AAGAB: variants seen among roughly 807,000 people sequenced by gnomAD.
The protein encoded by AAGAB is alpha- and gamma-adaptin-binding protein p34.
A neutral mutation model predicts 44.1 loss-of-function variants in AAGAB; 38 were observed. That is an observed-to-expected ratio of 0.86 (90% confidence interval 0.67 to 1.13). The LOEUF (loss-of-function observed/expected upper bound fraction) is 1.13, where lower values mean the gene tolerates loss of function less well. AAGAB is among the 50% of genes most tolerant of loss of function. The probability of loss-of-function intolerance (pLI) is 0.00; values close to 1 mark genes in which losing one functional copy is unlikely to be tolerated. For missense variants in AAGAB, 450 were observed against 373.8 expected, an observed-to-expected ratio of 1.20 and a Z score of -1.68; for synonymous variants, 131 against 131.8, an observed-to-expected ratio of 0.99 and a Z score of 0.04.
chr15:67,205,742 CA>C (rs1963670437), intron 7 of AAGAB, among the ~76,000 whole-genome samples: 1 of 152,068 alleles, frequency 6.6e-6, no homozygotes, highest in South Asian at 2.1e-4. Flanking sequence ...AGTGGCATAC[CA>C]GGGGCAAAAG....
upstream of AAGAB, chr15:67,254,788 A>G (rs1282239764): frequency 4.4e-6 from 6 of 1,367,314 alleles, no homozygotes; most frequent in Non-Finnish European, 6.1e-6. Context: ...CCCAGCGTGG[A>G]ACAGGCCAGG....
chr15:67,221,474 G>C (rs898840796), intron 5 of AAGAB, among the ~76,000 whole-genome samples: 1 of 152,180 alleles, frequency 6.6e-6, no homozygotes, highest in African/African-American at 2.4e-5. Context: ...CCGCCAAAAA[G>C]GGTGGATGAT....
At chr15:67,204,749 C>T (rs1963648225) in intron 7 of AAGAB, among the ~76,000 whole-genome samples, 1 of 152,144 alleles carries the variant, frequency 6.6e-6, no homozygotes, top group South Asian at 2.1e-4. Flanking sequence ...TACCTTGGCA[C>T]ACTGCTTCTT....
chr15:67,220,473 T>A (rs1050183616), intron 5 of AAGAB: 3 of 152,246 alleles, frequency 2.0e-5, no homozygotes, highest in Admixed American at 6.5e-5. Flanking sequence ...TGGTCTCACG[T>A]TGGCTACAAA....
chr15:67,214,918 G>A (rs552737141), intron 5 of AAGAB, among the ~76,000 whole-genome samples: 1 of 151,876 alleles, frequency 6.6e-6, no homozygotes. Context: ...GGGATTACAG[G>A]TGTGAGCCAC....
At position 67,254,643 on chromosome 15, in the gene AAGAB, C is replaced by T. The variant is rs750152610; in HGVS notation, c.-12G>A. 4 of 1,574,990 alleles carry T rather than the reference C, an allele frequency of 2.5e-6. No individual in the cohort carries two copies. Among genetic ancestry groups the T allele is most frequent in the South Asian group, 1.2e-5 (1 of 86,842 alleles). ...ACGCCAGCAGCCATAGCTGCGCTCGCGAGCCGGTTCCGTCAGGCAGCCGCT... is the reference window on the plus strand; with the variant it reads ...ACGCCAGCAGCCATAGCTGCGCTCGTGAGCCGGTTCCGTCAGGCAGCCGCT... On this transcript the variant is annotated 5_prime_UTR_variant, in exon 1 of 10. Transcript: ENST00000261880.
rs778984821 is a variant in AAGAB, at chr15:67,204,094, C to T, written c.770G>A (p.Gly257Glu). ...GAGTCTTTCAAAATTCTCCACATCT[C>T]CTCCTCCAGTGGTAAGACTGGCTAA... ...QELASLTTGG[G>E]DVENFERLFS... The change falls in exon 8 of 10, where the codon GGA (glycine) becomes GAA (glutamate). Residue 257 changes from glycine (G) to glutamate (E), a missense_variant. Coordinates refer to ENST00000261880, the MANE Select transcript of AAGAB (RefSeq NM_024666.5). 5 of 1,612,524 alleles carry T rather than the reference C, an allele frequency of 3.1e-6. 1 individual carries two copies. The South Asian group carries it at 5.5e-5, about 18-fold the overall frequency.
intron 7 of AAGAB, among the ~76,000 whole-genome samples, chr15:67,207,445 C>T (rs1963711793): frequency 6.6e-6 from 1 of 152,232 alleles, no homozygotes; most frequent in African/African-American, 2.4e-5. Flanking sequence ...CCAAAGGGTA[C>T]ATCTTGGCCT....
intron 5 of AAGAB, among the ~76,000 whole-genome samples, chr15:67,229,263 T>C (rs1463442607): frequency 6.6e-6 from 1 of 151,910 alleles, no homozygotes; most frequent in Admixed American, 6.6e-5. Flanking sequence ...GAAACCCCCG[T>C]CTCTACTAAA....
At position 67,212,591 on chromosome 15, in the gene AAGAB, A is replaced by G. The variant is rs77117587; in HGVS notation, c.536-3047T>C. ...AGCCAGAAGGACTTTTGCTCATATT[A>G]TAAACAATGAAGAATTTAGTCAACT... On this transcript the variant is annotated intron_variant, in intron 5 of 9. Transcript: ENST00000261880. Among the ~76,000 whole-genome samples the G allele has an allele frequency of 8.8e-3, 1,340 of 152,340 alleles. 19 individuals carry two copies. Among genetic ancestry groups the G allele is most frequent in the African/African-American group, 0.031 (1,282 of 41,568 alleles).
At chr15:67,226,260 A>G (rs1964201963) in intron 5 of AAGAB, among the ~76,000 whole-genome samples, 1 of 151,998 alleles carries the variant, frequency 6.6e-6, no homozygotes, top group Non-Finnish European at 1.5e-5. Flanking sequence ...AGCCTCCCCA[A>G]TAGCTGGGAC....
chr15:67,254,299 G>T (rs1965003748), intron 1 of AAGAB: 16 of 944,356 alleles, frequency 1.7e-5, no homozygotes, highest in Non-Finnish European at 2.0e-5. Context: ...AAAAACCTGT[G>T]GCCTGGGCTG....
In AAGAB at chr15:67,203,615, C is replaced by T; in HGVS notation, c.821-18G>A. On this transcript the variant is annotated intron_variant, in intron 8 of 9. Transcript: ENST00000261880. ...AGCCTTGTCTAGGGGGAAAATATAT[C>T]TTAAGAAATTTGTCTAATAGCACAG... 1 of 1,611,682 alleles carries T rather than the reference C, an allele frequency of 6.2e-7. No homozygotes were observed. The highest frequency in any genetic ancestry group is 8.5e-7 in the Non-Finnish European group (1 of 1,178,870).
chr15:67,203,855 G>C (rs1963624147), intron 8 of AAGAB, among the ~76,000 whole-genome samples, 189 bp downstream of exon 8: 1 of 151,746 alleles, frequency 6.6e-6, no homozygotes, highest in African/African-American at 2.4e-5. Flanking sequence ...AAAAGAAAGA[G>C]AACGAAGATG....
intron 1 of AAGAB, among the ~76,000 whole-genome samples, chr15:67,238,165 A>T (rs540484982): frequency 6.6e-6 from 1 of 152,344 alleles, no homozygotes; most frequent in South Asian, 2.1e-4. Flanking sequence ...TATAAAGCAT[A>T]TCATGAAATT....
Position 67,254,650 on chromosome 15 carries a change from G to GTTCCGTCAGGCAGCCGC in AAGAB, c.-20_-19insGCGGCTGCCTGACGGAA, listed in dbSNP as rs1965036066. 2 of 1,599,228 alleles carry GTTCCGTCAGGCAGCCGC rather than the reference G, an allele frequency of 1.3e-6. No individual in the cohort carries two copies. The highest frequency in any genetic ancestry group is 1.7e-6 in the Non-Finnish European group (2 of 1,174,656). On this transcript the variant is annotated 5_prime_UTR_variant, in exon 1 of 10. Transcript: ENST00000261880. ...CAGCCATAGCTGCGCTCGCGAGCCGGTTCCGTCAGGCAGCCGCTTCCGCCT... is the reference window on the plus strand; with the variant it reads ...CAGCCATAGCTGCGCTCGCGAGCCGGTTCCGTCAGGCAGCCGCTTCCGTCAGGCAGCCGCTTCCGCCT...
At chr15:67,241,070 C>CACACACA (rs951354602) in intron 1 of AAGAB, among the ~76,000 whole-genome samples, 11 of 148,742 alleles carry the variant, frequency 7.4e-5, no homozygotes, top group South Asian at 6.5e-4. Context: ...CACACACACA[C>CACACACA]ATTTTATCTA....
At chr15:67,250,943 C>T (rs143699991) in intron 1 of AAGAB, among the ~76,000 whole-genome samples, 24 of 152,264 alleles carry the variant, frequency 1.6e-4, no homozygotes, top group African/African-American at 3.1e-4. Flanking sequence ...AGGAGAATGG[C>T]GCGAGCCCAG....
At chr15:67,244,021 A>G (rs1159694007) in intron 1 of AAGAB, among the ~76,000 whole-genome samples, 1 of 152,240 alleles carries the variant, frequency 6.6e-6, no homozygotes, top group Non-Finnish European at 1.5e-5. Flanking sequence ...GTAATTTTTC[A>G]TAAACAAATT....
Sources: gnomAD v4.1 joint callset for allele counts (sites outside exome capture counted in the v4.1 genomes callset) on GRCh38, gnomAD v4.1.1 for gene constraint, MANE v1.5 for transcripts, NCBI Gene and HGNC (gene_info 2026-07-23, HGNC 2026-07-21) for gene names.